The following ANKRD31 variants were observed in gnomAD, a reference collection of about 807,000 sequenced individuals.
ANKRD31 encodes ankyrin repeat domain-containing protein 31.
A neutral mutation model predicts 186.0 loss-of-function variants in ANKRD31; 147 were observed. The ratio of observed to expected loss-of-function variants is 0.79; its 90% CI spans 0.69 to 0.91. ANKRD31 has a LOEUF of 0.91. Ranked by LOEUF, ANKRD31 falls within the 40% of genes least tolerant of loss-of-function variation. The pLI, the probability that ANKRD31 is intolerant of heterozygous loss-of-function variation, is 0.00. For missense variants in ANKRD31, 1,986 were observed against 2,148.8 expected (o/e 0.92, Z 1.50); for synonymous variants, 673 against 736.4 (o/e 0.91, Z 1.39).
At chr5:75,152,488 G>T (rs1233471210) in intron 12 of ANKRD31, among the ~76,000 whole-genome samples, 1 of 152,048 alleles carries the variant, frequency 6.6e-6, no homozygotes, top group Non-Finnish European at 1.5e-5. Context: ...GTTGTTAAAG[G>T]TAATAATATA....
rs531526017 is a variant in ANKRD31, at chr5:75,221,926, G to A, written c.288+323C>T. Among the ~76,000 whole-genome samples, 5 of 152,238 alleles carry A rather than the reference G, an allele frequency of 3.3e-5. No individual in the cohort carries two copies. In the South Asian group the frequency reaches 1.0e-3, roughly 32 times the overall value. On this transcript the variant is annotated intron_variant, in intron 3 of 25. Coordinates refer to ENST00000506364, the MANE Select transcript of ANKRD31 (RefSeq NM_001372053.1). ...GTATTGACTATCAATAAGGCTTCCA[G>A]TCAACAGTAGGCTATAAGTAGTTAA...
At chr5:75,187,693 T>G (rs1754831458) in intron 10 of ANKRD31, among the ~76,000 whole-genome samples, 2 of 152,052 alleles carry the variant, frequency 1.3e-5, no homozygotes, top group African/African-American at 4.8e-5. Flanking sequence ...TAAAATAATA[T>G]CCTGTTAAAA....
At chr5:75,151,450 A>G (rs57350864) in intron 12 of ANKRD31, among the ~76,000 whole-genome samples, 7,425 of 152,044 alleles carry the variant, frequency 0.049, 395 homozygotes, top group African/African-American at 0.13. Context: ...CTGATAGTGA[A>G]TAAGTCTCAC....
chr5:75,105,793 A>T (rs1747288496), intron 21 of ANKRD31, among the ~76,000 whole-genome samples: 2 of 152,150 alleles, frequency 1.3e-5, no homozygotes, highest in Admixed American at 6.6e-5. Context: ...ACCTGTATGA[A>T]GACACTTCCA....
intron 9 of ANKRD31, among the ~76,000 whole-genome samples, chr5:75,190,545 T>C (rs1755034485): frequency 6.6e-6 from 1 of 152,058 alleles, no homozygotes; most frequent in African/African-American, 2.4e-5. Flanking sequence ...GACTGAATGG[T>C]GTCCTCCCAA....
intron 11 of ANKRD31, among the ~76,000 whole-genome samples, chr5:75,156,918 C>T (rs1017160201): frequency 6.6e-6 from 1 of 152,112 alleles, no homozygotes; most frequent in Admixed American, 6.6e-5. Context: ...TGCTTTAAGC[C>T]ACCCAGTTTG....
At chr5:75,203,752 C>A (rs942247383) in intron 5 of ANKRD31, among the ~76,000 whole-genome samples, 3 of 151,670 alleles carry the variant, frequency 2.0e-5, no homozygotes, top group African/African-American at 7.3e-5. Context: ...ATCCATGACA[C>A]CTCTGTCTCA....
intron 21 of ANKRD31, among the ~76,000 whole-genome samples, chr5:75,106,816 C>T (rs577069542): frequency 1.3e-5 from 2 of 150,954 alleles, no homozygotes; most frequent in African/African-American, 4.9e-5. Flanking sequence ...GAGAAGAAGG[C>T]AAAATGGGGA....
intron 17 of ANKRD31, among the ~76,000 whole-genome samples, chr5:75,134,695 G>A (rs576896601): frequency 6.6e-6 from 1 of 152,226 alleles, no homozygotes; most frequent in Non-Finnish European, 1.5e-5. Context: ...ACCAAAGCCT[G>A]TTGTGTCTCT....
chr5:75,200,192 C>A (rs547563682), intron 5 of ANKRD31, among the ~76,000 whole-genome samples: 2 of 152,186 alleles, frequency 1.3e-5, no homozygotes, highest in Admixed American at 1.3e-4. Context: ...CACCCTGCCC[C>A]CTCTGAGCCA....
chr5:75,081,462 T>A (rs557888915), intron 24 of ANKRD31, among the ~76,000 whole-genome samples: 1 of 152,312 alleles, frequency 6.6e-6, no homozygotes, highest in South Asian at 2.1e-4. Context: ...TCTGACTTCA[T>A]GCTCACTTAA....
chr5:75,201,502 G>C (rs1755821282), intron 5 of ANKRD31, among the ~76,000 whole-genome samples: 1 of 151,928 alleles, frequency 6.6e-6, no homozygotes, highest in Admixed American at 6.6e-5. Flanking sequence ...CACATCTTTG[G>C]GGGATTAGAA....
chr5:75,108,222 C>T (rs1412161757), intron 20 of ANKRD31, among the ~76,000 whole-genome samples: 1 of 151,628 alleles, frequency 6.6e-6, no homozygotes, highest in African/African-American at 2.4e-5. Flanking sequence ...TTTTTTAATT[C>T]TAAAAATAGA....
At position 75,208,597 on chromosome 5, in the gene ANKRD31, A is replaced by G. The variant is rs143386384; in HGVS notation, c.327-2110T>C. Reference sequence around the variant, plus strand: ...AGATTAACCATCAGAGAAAAGACTAAAAGTCTCTAAGGCCAGGTGACAGGA... The same window carrying G: ...AGATTAACCATCAGAGAAAAGACTAGAAGTCTCTAAGGCCAGGTGACAGGA... On this transcript the variant is annotated intron_variant, in intron 4 of 25. Coordinates refer to ENST00000506364, the MANE Select transcript of ANKRD31 (RefSeq NM_001372053.1). 4.8e-3 allele frequency among the ~76,000 whole-genome samples: 733 copies of G among 152,312 alleles called. 6 individuals are homozygous for G. The highest frequency in any genetic ancestry group is 0.017 in the African/African-American group (688 of 41,576).
chr5:75,235,241 C>CTTTTTTTTTT (rs35626841), intron 1 of ANKRD31, among the ~76,000 whole-genome samples: 1 of 99,880 alleles, frequency 1.0e-5, no homozygotes, highest in Non-Finnish European at 1.9e-5. Flanking sequence ...CTTGCTGGTA[C>CTTTTTTTTTT]TTTTTTTTTT....
At position 75,225,491 on chromosome 5, in the gene ANKRD31, A is replaced by T. The variant is rs569671775; in HGVS notation, c.179-3133T>A. 3.5e-5 allele frequency: 8 copies of T among 229,578 alleles called. No individual in the cohort carries two copies. In the South Asian group the frequency reaches 4.7e-4, roughly 13 times the overall value. The allele number at this position is 229,578 out of a possible 1,614,324, so 14.2% of individuals were successfully genotyped here. A position where few individuals can be genotyped will look rare whatever the true frequency, so the allele number is the denominator to read the frequency against. ...ATAGTAGGCAGGATGGTCATACAGT[A>T]CAGTTTAGGATTAGGAGTCATACAC... On this transcript the variant is annotated intron_variant, in intron 2 of 25. Transcript: ENST00000506364.
intron 20 of ANKRD31, among the ~76,000 whole-genome samples, chr5:75,109,893 C>T (rs543369077): frequency 1.3e-5 from 2 of 152,126 alleles, no homozygotes; most frequent in East Asian, 1.9e-4. Flanking sequence ...GTGTATTGCC[C>T]GCATCATAGA....
At chr5:75,163,176 A>G (rs1247972526) in intron 11 of ANKRD31, among the ~76,000 whole-genome samples, 4 of 152,226 alleles carry the variant, frequency 2.6e-5, no homozygotes, top group Non-Finnish European at 5.9e-5. Context: ...GTACAAGTTT[A>G]ATATTCTTTA....
chr5:75,194,590 TAAAAA>T (rs2150248181), intron 7 of ANKRD31, among the ~76,000 whole-genome samples: 1 of 152,020 alleles, frequency 6.6e-6, no homozygotes, highest in Admixed American at 6.6e-5. Context: ...AATCGGAAGA[TAAAAA>T]GAAAAGAAAG....
Sources: allele counts gnomAD v4.1 joint callset (sites outside exome capture counted in the v4.1 genomes callset), GRCh38; gene constraint gnomAD v4.1.1; transcripts MANE v1.5; gene names NCBI Gene and HGNC (gene_info 2026-07-23, HGNC 2026-07-21).